Variants in EXOSC5 observed in about 807,000 individuals in gnomAD.
The protein encoded by EXOSC5 is exosome component 5.
Under a neutral mutation model 23.7 loss-of-function variants are expected in EXOSC5, and 15 were observed. The observed-to-expected ratio is 0.63, with a 90% confidence interval of 0.42 to 0.97. The LOEUF (loss-of-function observed/expected upper bound fraction) is 0.97. EXOSC5 is among the 50% of genes least tolerant of loss of function. EXOSC5 has a pLI of 0.00. For missense variants in EXOSC5, 305 were observed against 316.3 expected (o/e 0.96, Z 0.27); for synonymous variants, 143 against 140.9 (o/e 1.02, Z -0.11).
intron 4 of EXOSC5, among the ~76,000 whole-genome samples, chr19:41,389,499 A>C (rs182182941): frequency 6.6e-6 from 1 of 152,156 alleles, no homozygotes; most frequent in Non-Finnish European, 1.5e-5. Context: ...TCCCGACCTC[A>C]GGTGATCCAC....
chr19:41,397,044 T>C (rs1320025159), intron 1 of EXOSC5, 137 bp downstream of exon 1: 14 of 933,040 alleles, frequency 1.5e-5, no homozygotes, highest in Non-Finnish European at 2.3e-5. Flanking sequence ...GCGTATTTAG[T>C]AGTATTCAAT....
intron 1 of EXOSC5, among the ~76,000 whole-genome samples, chr19:41,395,787 T>G (rs2039057517): frequency 6.6e-6 from 1 of 152,172 alleles, no homozygotes; most frequent in South Asian, 2.1e-4. Flanking sequence ...CTCTTTTCCA[T>G]CTACACTCAC....
chr19:41,392,956 A>G lies in EXOSC5; in HGVS notation c.173T>C (p.Val58Ala). 2 of 1,613,310 alleles carry G rather than the reference A, an allele frequency of 1.2e-6. No individual in the cohort carries two copies. The highest frequency in any genetic ancestry group is 1.7e-6 in the Non-Finnish European group (2 of 1,180,012). Reference sequence around the variant, plus strand: ...GACCTTCACCTCGGCCGGCCCGTACACACCCGCCAGGACAGAGGTGTCACC... The same window carrying G: ...GACCTTCACCTCGGCCGGCCCGTACGCACCCGCCAGGACAGAGGTGTCACC... Reference protein sequence around the residue: ...LQGDTSVLAGVYGPAEVKVSK... With the variant: ...LQGDTSVLAGAYGPAEVKVSK... Residue 58 changes from valine (V) to alanine (A), a missense_variant, in exon 2 of 6, where the codon GTG becomes GCG. By Grantham distance (64) the Val-to-Ala change is moderately conservative (BLOSUM62 0). Transcript: ENST00000221233.
chr19:41,389,966 CTT>C (rs1225011298), intron 3 of EXOSC5, 61 bp from the exon 4 acceptor site: 2 of 1,519,934 alleles, frequency 1.3e-6, no homozygotes, highest in Non-Finnish European at 1.8e-6. Flanking sequence ...GAGTTTCGCT[CTT>C]GTTGCCCAGG....
At chr19:41,396,839 T>TGGGGGG (rs577995887) in intron 1 of EXOSC5, among the ~76,000 whole-genome samples, 1 of 23,548 alleles carries the variant, frequency 4.2e-5, no homozygotes, top group East Asian at 9.9e-4. Context: ...AGGGTGTGTG[T>TGGGGGG]GTGGGGGGTG....
At chr19:41,390,362 C>CG (rs1367586112) in intron 3 of EXOSC5, among the ~76,000 whole-genome samples, 2 of 152,150 alleles carry the variant, frequency 1.3e-5, no homozygotes, top group Non-Finnish European at 2.9e-5. Flanking sequence ...AAAAGTGGTC[C>CG]GGGGATCAAG....
Position 41,386,587 on chromosome 19 carries a change from G to C in EXOSC5, c.*46C>G, listed in dbSNP as rs1010602119. 3.9e-6 allele frequency: 6 copies of C among 1,537,074 alleles called. No homozygotes were observed. The highest frequency in any genetic ancestry group is 4.4e-6 in the Non-Finnish European group (5 of 1,135,444). The stretch of plus-strand genomic sequence containing the variant: ...GCTGGTTTGCTTCAGGCTGTAGGGG[G>C]TGAGTGGGTGGAGGCAATGGGAGCG... On this transcript the variant is annotated 3_prime_UTR_variant, in exon 6 of 6. Transcript: ENST00000221233.
intron 4 of EXOSC5, among the ~76,000 whole-genome samples, chr19:41,389,173 C>G (rs1013955219): frequency 6.6e-6 from 1 of 152,148 alleles, no homozygotes; most frequent in African/African-American, 2.4e-5. Context: ...CTTCAACTCC[C>G]AGCCTCAGGT....
chr19:41,387,473 A>G, intron 5 of EXOSC5, 41 bp downstream of exon 5: 1 of 1,491,282 alleles, frequency 6.7e-7, no homozygotes, highest in Non-Finnish European at 9.1e-7. Flanking sequence ...TGTCAGTGGG[A>G]AGGAAGGTTC....
intron 1 of EXOSC5, among the ~76,000 whole-genome samples, chr19:41,396,586 T>C (rs1294467307): frequency 6.6e-6 from 1 of 150,972 alleles, no homozygotes; most frequent in Non-Finnish European, 1.5e-5. Flanking sequence ...GAAAAGGGGA[T>C]ATTTGCTCTA....
intron 4 of EXOSC5, among the ~76,000 whole-genome samples, chr19:41,388,232 C>T (rs2038998814): frequency 6.6e-6 from 1 of 152,252 alleles, no homozygotes; most frequent in African/African-American, 2.4e-5. Context: ...GCCATAGTGC[C>T]ACTCACTTAT....
chr19:41,389,715 G>A (rs768726198), intron 4 of EXOSC5, 50 bp downstream of exon 4: 20 of 1,586,576 alleles, frequency 1.3e-5, no homozygotes, highest in Admixed American at 5.5e-5. Flanking sequence ...AGGAAGGGAC[G>A]GGCAGCTGTC....
In EXOSC5 at chr19:41,387,590, A is replaced by T. The variant is rs762168533; in HGVS notation, c.539T>A (p.Val180Asp). 6 of 1,601,842 alleles carry T rather than the reference A, an allele frequency of 3.7e-6. No individual in the cohort carries two copies. Among genetic ancestry groups the T allele is most frequent in the Admixed American group, 3.5e-5 (2 of 57,644 alleles). The change falls in exon 5 of 6, where the codon GTC (valine) becomes GAC (aspartate). Residue 180 changes from valine to aspartate, a missense_variant. Coordinates refer to ENST00000221233, the MANE Select transcript of EXOSC5 (RefSeq NM_020158.4). Reference sequence around the variant, plus strand: ...CACGCTGTCCAGGGCAAAGGTCAGGACTGCCCGGGCCTCCTAGGGACAAGG... The same window carrying T: ...CACGCTGTCCAGGGCAAAGGTCAGGTCTGCCCGGGCCTCCTAGGGACAAGG... Reference protein sequence around the residue: ...TSKQEKEARAVLTFALDSVER... With the variant: ...TSKQEKEARADLTFALDSVER...
At chr19:41,393,002 CCTCA>C in intron 1 of EXOSC5, 22 bp from the exon 2 acceptor site, 3 of 1,604,028 alleles carry the variant, frequency 1.9e-6, no homozygotes, top group Non-Finnish European at 2.6e-6. Flanking sequence ...GCAGGGAGGG[CCTCA>C]CTCACAGCTT....
chr19:41,390,244 C>A (rs1343496850), intron 3 of EXOSC5, among the ~76,000 whole-genome samples: 1 of 152,186 alleles, frequency 6.6e-6, no homozygotes, highest in Non-Finnish European at 1.5e-5. Context: ...TAAGAAGTTT[C>A]TACTGTAGGC....
intron 3 of EXOSC5, 100 bp downstream of exon 3, chr19:41,391,741 T>C: frequency 1.4e-6 from 2 of 1,408,594 alleles, no homozygotes; most frequent in Non-Finnish European, 1.9e-6. Context: ...ACCTGTCAAG[T>C]GTTTGAAGGC....
intron 3 of EXOSC5, chr19:41,391,620 A>C: frequency 2.0e-6 from 1 of 503,554 alleles, no homozygotes; most frequent in East Asian, 3.5e-5. Flanking sequence ...CACGGGGATC[A>C]TAAGGGCATG....
chr19:41,389,404 T>TG (rs2039006720), intron 4 of EXOSC5, among the ~76,000 whole-genome samples: 2 of 152,222 alleles, frequency 1.3e-5, no homozygotes, highest in South Asian at 4.1e-4. Context: ...TAGCTGGGAT[T>TG]ACAGGCGTGC....
rs1568498932 is a variant in EXOSC5, at chr19:41,397,167, G to C, written c.148+14C>G. The C allele has an allele frequency of 6.2e-7, 1 of 1,612,686 alleles. No individual in the cohort carries two copies. On this transcript the variant is annotated intron_variant, in intron 1 of 5. Coordinates refer to ENST00000221233, the MANE Select transcript of EXOSC5 (RefSeq NM_020158.4). The stretch of plus-strand genomic sequence containing the variant: ...AGTCCCTCTCCAAAAGAAAGACCTG[G>C]GTGAAGTTCTTACCTTGCAGGAAGG...
Sources: allele counts gnomAD v4.1 joint callset (sites outside exome capture counted in the v4.1 genomes callset), GRCh38; gene constraint gnomAD v4.1.1; transcripts MANE v1.5; gene names NCBI Gene and HGNC (gene_info 2026-07-23, HGNC 2026-07-21).